Variants in MMAB observed in about 807,000 individuals in gnomAD.
MMAB encodes metabolism of cobalamin associated B.
Under a neutral mutation model 30.6 loss-of-function variants are expected in MMAB, and 17 were observed. The observed-to-expected ratio is 0.56, with a 90% CI of 0.38 to 0.83. MMAB has a LOEUF of 0.83. Ranked by LOEUF, MMAB falls within the 40% of genes least tolerant of loss-of-function variation. The pLI is 0.00. For missense variants in MMAB, 311 were observed against 331.6 expected (o/e 0.94, Z 0.48); for synonymous variants, 134 against 138.6 (o/e 0.97, Z 0.23).
At position 109,555,193 on chromosome 12, in the gene MMAB, G is replaced by A. The variant is rs962827761; in HGVS notation, c.*1835C>T. 2 of 452,400 alleles carry A rather than the reference G, an allele frequency of 4.4e-6. No individual in the cohort carries two copies. Among genetic ancestry groups the A allele is most frequent in the Admixed American group, 4.7e-5 (2 of 42,424 alleles). 28.0% of individuals were successfully genotyped at this position (452,400 alleles called of 1,614,324 possible). On this transcript the variant is annotated 3_prime_UTR_variant, in exon 9 of 9. Coordinates refer to ENST00000545712, the MANE Select transcript of MMAB (RefSeq NM_052845.4). ...TATTCCAGGAAGATTTTGAGATTTTGAGGTGTAGACAGAATTGAGTGATTC... is the reference window on the plus strand; with the variant it reads ...TATTCCAGGAAGATTTTGAGATTTTAAGGTGTAGACAGAATTGAGTGATTC...
intron 8 of MMAB, 88 bp downstream of exon 8, chr12:109,559,008 C>CA (rs1884090973): frequency 1.1e-5 from 11 of 985,154 alleles, no homozygotes; most frequent in Non-Finnish European, 1.6e-5. Flanking sequence ...TGCTGCCCCA[C>CA]ACTGCTTCCC....
rs760995089 is a variant in MMAB, at chr12:109,561,793, C to G, written c.408G>C (p.Arg136=). The G allele has an allele frequency of 6.2e-7, 1 of 1,608,882 alleles. No individual in the cohort carries two copies. The highest frequency in any genetic ancestry group is 1.1e-5 in the South Asian group (1 of 90,098). The part of the protein sequence containing the change: ...SALATPCSSA[R]EAHLKYTTFK... ...TTTGAGAATTACTTAAGTGAGCCTC[C>G]CGGGCCGAGGAGCATGGTGTCGCCA... The change falls in exon 5 of 9, where the codon CGG becomes CGC. Residue 136 remains arginine (R), a synonymous_variant. Coordinates refer to ENST00000545712, the MANE Select transcript of MMAB (RefSeq NM_052845.4). This position sits in a 1 kb window ranked among gnomAD's most constrained non-coding sequence, Gnocchi z 5.3.
intron 2 of MMAB, among the ~76,000 whole-genome samples, chr12:109,571,240 T>G (rs1296852052): frequency 6.6e-6 from 1 of 152,160 alleles, no homozygotes; most frequent in Non-Finnish European, 1.5e-5. Context: ...TATCATACTT[T>G]TTTTTTCTGA....
chr12:109,556,648 T>TCTCTCTCTCACACA lies in MMAB; in HGVS notation c.*379_*380insTGTGTGAGAGAGAG, dbSNP rs1555273916. On this transcript the variant is annotated 3_prime_UTR_variant, in exon 9 of 9. Transcript: ENST00000545712. ...GAGCTGGCAGTGGGAGGGCTCTCTC[T>TCTCTCTCTCACACA]CACACACACACACACACACACACAC... 997 of 328,266 alleles carry TCTCTCTCTCACACA rather than the reference T, an allele frequency of 3.0e-3. 9 individuals carry two copies. Among genetic ancestry groups the TCTCTCTCTCACACA allele is most frequent in the African/African-American group, 0.021 (727 of 33,984 alleles). 20.3% of individuals were successfully genotyped at this position (328,266 alleles called of 1,614,324 possible). A position where few individuals can be genotyped will look rare whatever the true frequency, so the allele number is the denominator to read the frequency against.
At position 109,554,642 on chromosome 12, in the gene MMAB, G is replaced by T. The variant is rs1309972522; in HGVS notation, c.*2386C>A. The T allele has an allele frequency of 4.6e-5, 21 of 454,008 alleles. No homozygotes were observed. The highest frequency in any genetic ancestry group is 1.3e-5 in the Non-Finnish European group (3 of 226,798). 28.1% of individuals were successfully genotyped at this position (454,008 alleles called of 1,614,324 possible). A position where few individuals can be genotyped will look rare whatever the true frequency, so the allele number is the denominator to read the frequency against. On this transcript the variant is annotated 3_prime_UTR_variant, in exon 9 of 9. Transcript: ENST00000545712. ...CAAACACTGGGGCAGCGGGGGCTTC[G>T]CAGTCACATTTCCTGACTGTAGGGC...
At chr12:109,563,861 G>C (rs147436328) in intron 4 of MMAB, among the ~76,000 whole-genome samples, 1 of 152,200 alleles carries the variant, frequency 6.6e-6, no homozygotes, top group Non-Finnish European at 1.5e-5. Context: ...CTGACCCTGC[G>C]GGGAGCGGTT....
rs753696386 is a variant in MMAB, at chr12:109,555,734, C to T, written c.*1294G>A. ...GCTCAAGAGGGCCATCACAGCCTGT[C>T]AGCAATGAAAGGACCCAGAAGACAC... On this transcript the variant is annotated 3_prime_UTR_variant, in exon 9 of 9. Coordinates refer to ENST00000545712, the MANE Select transcript of MMAB (RefSeq NM_052845.4). 16 of 453,900 alleles carry T rather than the reference C, an allele frequency of 3.5e-5. No homozygotes were observed. Among genetic ancestry groups the T allele is most frequent in the Non-Finnish European group, 6.2e-5 (14 of 226,782 alleles). The allele number at this position is 453,900 out of a possible 1,614,324, so 28.1% of individuals were successfully genotyped here.
Position 109,561,114 on chromosome 12 carries a change from G to A in MMAB, c.520-10C>T. The A allele has an allele frequency of 6.2e-7, 1 of 1,609,400 alleles. No individual in the cohort carries two copies. Among genetic ancestry groups the A allele is most frequent in the East Asian group, 2.2e-5 (1 of 44,870 alleles). On this transcript the variant is annotated splice_polypyrimidine_tract_variant and intron_variant, in intron 6 of 8. Transcript: ENST00000545712. This position sits in a 1 kb window ranked among gnomAD's most constrained non-coding sequence, Gnocchi z 5.3. The stretch of plus-strand genomic sequence containing the variant: ...TGATCTTGCCTCCCGACTGAAAGGA[G>A]AAAGGGACATTGCCTGAGCAGGGTG...
chr12:109,559,204 G>A lies in MMAB; in HGVS notation c.585-49C>T, dbSNP rs1357892307. 2.8e-6 allele frequency: 4 copies of A among 1,404,274 alleles called. No individual in the cohort carries two copies. In the South Asian group the frequency reaches 3.5e-5, roughly 12 times the overall value. 87.0% of individuals were successfully genotyped at this position (1,404,274 alleles called of 1,614,324 possible). On this transcript the variant is annotated intron_variant, in intron 7 of 8. Coordinates refer to ENST00000545712, the MANE Select transcript of MMAB (RefSeq NM_052845.4). ...TCACGTGACATTATGGGGCTCAACA[G>A]GCTCTGACCTGGGCCTAAACCTTGA...
rs546488924 is a variant in MMAB at position 109,553,981 on chromosome 12, A to C, written c.*3047T>G. Reference sequence around the variant, plus strand: ...TGAAAAACGCACATTAACGATAGCCATGAAATATTAGTTAAGGGAAACTAG... The same window carrying C: ...TGAAAAACGCACATTAACGATAGCCCTGAAATATTAGTTAAGGGAAACTAG... On this transcript the variant is annotated 3_prime_UTR_variant, in exon 9 of 9. Transcript: ENST00000545712. 1 of 454,118 alleles carries C rather than the reference A, an allele frequency of 2.2e-6. No individual in the cohort carries two copies. The highest frequency in any genetic ancestry group is 2.0e-5 in the African/African-American group (1 of 50,128). The allele number at this position is 454,118 out of a possible 1,614,324, so 28.1% of individuals were successfully genotyped here.
intron 7 of MMAB, 85 bp downstream of exon 7, chr12:109,560,955 C>T (rs1273797618): frequency 8.7e-7 from 1 of 1,153,912 alleles, no homozygotes; most frequent in Non-Finnish European, 1.2e-6. Context: ...CTCCCCATCT[C>T]CGTCCTCCTC....
At chr12:109,563,696 G>A (rs1019169426) in intron 4 of MMAB, among the ~76,000 whole-genome samples, 1 of 152,238 alleles carries the variant, frequency 6.6e-6, no homozygotes, top group African/African-American at 2.4e-5. Context: ...GGCTCCTCAG[G>A]AGGTTGAAAG....
chr12:109,562,333 G>C (rs1233905314), intron 4 of MMAB, among the ~76,000 whole-genome samples: 1 of 152,252 alleles, frequency 6.6e-6, no homozygotes, highest in Non-Finnish European at 1.5e-5. Context: ...TCCGGTCTCA[G>C]GTAGTTCTTT....
chr12:109,554,068 T>G lies in MMAB; in HGVS notation c.*2960A>C. ...GCATTGTTCGCCACAGCCCAGGTAG[T>G]GATTAAAACGACTGTCAAGCGGCAG... is the stretch of plus-strand genomic sequence containing the variant. On this transcript the variant is annotated 3_prime_UTR_variant, in exon 9 of 9. Coordinates refer to ENST00000545712, the MANE Select transcript of MMAB (RefSeq NM_052845.4). 1 of 454,046 alleles carries G rather than the reference T, an allele frequency of 2.2e-6. No individual in the cohort carries two copies. The highest frequency in any genetic ancestry group is 1.6e-5 in the South Asian group (1 of 64,478). 28.1% of individuals were successfully genotyped at this position (454,046 alleles called of 1,614,324 possible).
At position 109,559,150 on chromosome 12, in the gene MMAB, A is replaced by G. The variant is rs1214655242; in HGVS notation, c.590T>C (p.Val197Ala). Residue 197 changes from valine to alanine, a missense_variant, in exon 8 of 9, where the codon GTG (valine) becomes GCG (alanine). By Grantham distance (64) the Val-to-Ala change is moderately conservative (BLOSUM62 0). Transcript: ENST00000545712. ...AVCRRAERRV[V>A]PLVQMGETDA... ...GGTCTCTCCCATCTGGACAAGAGGC[A>G]CCACACTAGAAAGGGAGGAGACACT... 5.6e-6 allele frequency: 9 copies of G among 1,613,496 alleles called. No individual in the cohort carries two copies. Among genetic ancestry groups the G allele is most frequent in the Non-Finnish European group, 6.8e-6 (8 of 1,179,526 alleles).
chr12:109,561,589 G>C lies in MMAB; in HGVS notation c.422-72C>G, dbSNP rs562567264. ...CCAGACCATGGCGGGAACCACCCCC[G>C]CCGCCCTTCCACCTGGGTGTCCCGC... On this transcript the variant is annotated intron_variant, in intron 5 of 8. Coordinates refer to ENST00000545712, the MANE Select transcript of MMAB (RefSeq NM_052845.4). This position sits in a 1 kb window ranked among gnomAD's most constrained non-coding sequence, Gnocchi z 5.3. The C allele has an allele frequency of 7.3e-7, 1 of 1,378,606 alleles. No individual in the cohort carries two copies. Among genetic ancestry groups the C allele is most frequent in the South Asian group, 1.2e-5 (1 of 80,472 alleles). The allele number at this position is 1,378,606 out of a possible 1,614,324, so 85.4% of individuals were successfully genotyped here.
At position 109,554,868 on chromosome 12, in the gene MMAB, G is replaced by C. The variant is rs764450663; in HGVS notation, c.*2160C>G. 8.8e-6 allele frequency: 4 copies of C among 453,938 alleles called. No individual in the cohort carries two copies. Among genetic ancestry groups the C allele is most frequent in the African/African-American group, 2.0e-5 (1 of 50,128 alleles). 28.1% of individuals were successfully genotyped at this position (453,938 alleles called of 1,614,324 possible). On this transcript the variant is annotated 3_prime_UTR_variant, in exon 9 of 9. Transcript: ENST00000545712. ...TTTTTCCCAGGTTGGTAGCACAGGA[G>C]AGAAACACCTGCTGAGTGGTGGCAT...
At position 109,556,640 on chromosome 12, in the gene MMAB, G is replaced by GCTCT. The variant is rs370296168; in HGVS notation, c.*384_*387dup. 353 of 441,030 alleles carry GCTCT rather than the reference G, an allele frequency of 8.0e-4. 2 individuals are homozygous for GCTCT. The highest frequency in any genetic ancestry group is 5.0e-3 in the African/African-American group (228 of 45,206). 27.3% of individuals were successfully genotyped at this position (441,030 alleles called of 1,614,324 possible). A position where few individuals can be genotyped will look rare whatever the true frequency, so the allele number is the denominator to read the frequency against. Reference sequence around the variant, plus strand: ...AACAACCTGAGCTGGCAGTGGGAGGGCTCTCTCTCACACACACACACACAC... The same window carrying GCTCT: ...AACAACCTGAGCTGGCAGTGGGAGGGCTCTCTCTCTCTCACACACACACACACAC... On this transcript the variant is annotated 3_prime_UTR_variant, in exon 9 of 9. Coordinates refer to ENST00000545712, the MANE Select transcript of MMAB (RefSeq NM_052845.4).
Position 109,561,804 on chromosome 12 carries a change from A to G in MMAB, c.397T>C (p.Ser133Pro), listed in dbSNP as rs149342750. Residue 133 changes from serine to proline, a missense_variant, in exon 5 of 9, where the codon TCC becomes CCC. Transcript: ENST00000545712. The surrounding 1 kb of genome is among the most constrained non-coding windows in gnomAD (Gnocchi z 5.3). ...CTTAAGTGAGCCTCCCGGGCCGAGG[A>G]GCATGGTGTCGCCAGGGCCGAGCCG... is the stretch of plus-strand genomic sequence containing the variant. Reference protein sequence around the residue: ...DVGSALATPCSSAREAHLKYT... With the variant: ...DVGSALATPCPSAREAHLKYT... 7 of 1,609,950 alleles carry G rather than the reference A, an allele frequency of 4.3e-6. No homozygotes were observed. The highest frequency in any genetic ancestry group is 5.9e-6 in the Non-Finnish European group (7 of 1,178,192).
Sources: gnomAD v4.1 joint callset for allele counts (sites outside exome capture counted in the v4.1 genomes callset) on GRCh38, gnomAD v4.1.1 for gene constraint, Gnocchi (gnomAD v3.1) non-coding constraint, MANE v1.5 for transcripts, NCBI Gene and HGNC (gene_info 2026-07-23, HGNC 2026-07-21) for gene names.